DYM: variants seen among roughly 807,000 people sequenced by gnomAD.
The protein encoded by DYM is dymeclin.
In DYM, 78 loss-of-function variants were observed where a neutral mutation model predicts 93.1. The ratio of observed to expected loss-of-function variants is 0.84; its 90% CI spans 0.70 to 1.01. DYM has a LOEUF of 1.01. Ranked by LOEUF, DYM falls within the 50% of genes least tolerant of loss-of-function variation. The pLI, the probability that DYM is intolerant of heterozygous loss-of-function variation, is 0.00. For missense variants in DYM, 789 were observed against 845.0 expected, an observed-to-expected ratio of 0.93 and a Z score of 0.82; for synonymous variants, 321 against 319.7, an observed-to-expected ratio of 1.00 and a Z score of -0.04.
At chr18:49,440,388 T>C (rs1310047387) in intron 1 of DYM, among the ~76,000 whole-genome samples, 2 of 122,712 alleles carry the variant, frequency 1.6e-5, no homozygotes, top group Non-Finnish European at 3.2e-5. Context: ...TTATATATGA[T>C]ATATAATATA....
intron 6 of DYM, among the ~76,000 whole-genome samples, chr18:49,338,593 A>G (rs188467937): frequency 5.9e-5 from 9 of 152,352 alleles, no homozygotes; most frequent in African/African-American, 1.7e-4. Context: ...TTGATAATTC[A>G]AAGACAGACC....
In DYM at chr18:49,360,277, G is replaced by A. The variant is rs532806553; in HGVS notation, c.494+2884C>T. On this transcript the variant is annotated intron_variant, in intron 6 of 17. Transcript: ENST00000675505. ...ATAAAGGCAAAAAAAAAAAAAAAGC[G>A]TGTACTCATTTAAGATATATACTAA... Among the ~76,000 whole-genome samples, 31 of 145,138 alleles carry A rather than the reference G, an allele frequency of 2.1e-4. No individual in the cohort carries two copies. The South Asian group carries it at 5.9e-3, about 27-fold the overall frequency.
chr18:49,209,140 G>A (rs990452139), intron 14 of DYM, among the ~76,000 whole-genome samples: 2 of 152,118 alleles, frequency 1.3e-5, no homozygotes, highest in African/African-American at 2.4e-5. Context: ...CACCTCTATC[G>A]GAACATAGGT....
intron 1 of DYM, among the ~76,000 whole-genome samples, chr18:49,457,060 T>C (rs2083040745): frequency 6.6e-6 from 1 of 152,192 alleles, no homozygotes; most frequent in South Asian, 2.1e-4. Context: ...AAAGCAGCAA[T>C]GGGCATCTTA....
chr18:49,302,127 G>A (rs997515763), intron 8 of DYM, among the ~76,000 whole-genome samples: 1 of 152,122 alleles, frequency 6.6e-6, no homozygotes, highest in Non-Finnish European at 1.5e-5. Flanking sequence ...TACAAAAAAA[G>A]CTCTGTTAGC....
chr18:49,327,986 C>G (rs1287684190), intron 8 of DYM, among the ~76,000 whole-genome samples: 1 of 152,120 alleles, frequency 6.6e-6, no homozygotes, highest in Non-Finnish European at 1.5e-5. Flanking sequence ...AGCAAAGGCT[C>G]AGGGGTCTGA....
rs2070911034 is a variant in DYM, at chr18:49,041,343, T to G, written c.*2712A>C. On this transcript the variant is annotated 3_prime_UTR_variant, in exon 18 of 18. Coordinates refer to ENST00000675505, the MANE Select transcript of DYM (RefSeq NM_001353214.3). Reference sequence around the variant, plus strand: ...AAAATGACACAATGCAGTAACAGCTTCAGATCTGGGGTAAAATCAGATGCC... The same window carrying G: ...AAAATGACACAATGCAGTAACAGCTGCAGATCTGGGGTAAAATCAGATGCC... 1 of 152,240 alleles carries G rather than the reference T, an allele frequency of 6.6e-6. No individual in the cohort carries two copies. The highest frequency in any genetic ancestry group is 6.5e-5 in the Admixed American group (1 of 15,286). 9.4% of individuals were successfully genotyped at this position (152,240 alleles called of 1,614,324 possible).
At chr18:49,203,813 A>C (rs991142183) in intron 14 of DYM, among the ~76,000 whole-genome samples, 4 of 137,066 alleles carry the variant, frequency 2.9e-5, no homozygotes, top group African/African-American at 1.1e-4. Context: ...GACCCTGCCA[A>C]ATCCCCCTCT....
intron 17 of DYM, among the ~76,000 whole-genome samples, chr18:49,080,709 GTGGCTGC>G (rs2077876213): frequency 6.8e-6 from 1 of 148,052 alleles, no homozygotes; most frequent in African/African-American, 2.5e-5. Context: ...CCCAGACGGG[GTGGCTGC>G]CGGGCAGAGG....
At chr18:49,283,829 A>T (rs1298327424) in intron 9 of DYM, among the ~76,000 whole-genome samples, 1 of 152,142 alleles carries the variant, frequency 6.6e-6, no homozygotes, top group South Asian at 2.1e-4. Flanking sequence ...TCTCCTTCCT[A>T]AGCTTTACAT....
At chr18:49,199,833 A>C (rs1457225892) in intron 14 of DYM, among the ~76,000 whole-genome samples, 1 of 152,236 alleles carries the variant, frequency 6.6e-6, no homozygotes, top group African/African-American at 2.4e-5. Flanking sequence ...AAAGTAATAA[A>C]ATGGCACCAG....
intron 2 of DYM, among the ~76,000 whole-genome samples, chr18:49,420,397 G>C (rs376532540): frequency 6.6e-6 from 1 of 152,096 alleles, no homozygotes; most frequent in Non-Finnish European, 1.5e-5. Context: ...TTGAACTGCT[G>C]AATTCAGGTG....
chr18:49,247,184 G>C (rs931944684), intron 13 of DYM, among the ~76,000 whole-genome samples: 1 of 152,134 alleles, frequency 6.6e-6, no homozygotes, highest in Non-Finnish European at 1.5e-5. Context: ...CAAGCTCTGG[G>C]TTCCGCTCCT....
At chr18:49,383,485 T>C (rs974664573) in intron 3 of DYM, among the ~76,000 whole-genome samples, 2 of 152,202 alleles carry the variant, frequency 1.3e-5, no homozygotes, top group African/African-American at 4.8e-5. Context: ...TAAAACCTTC[T>C]TGGGCTCTAT....
intron 3 of DYM, among the ~76,000 whole-genome samples, chr18:49,380,508 G>GCACTAGTAT (rs1482015421): frequency 6.6e-5 from 10 of 152,146 alleles, no homozygotes; most frequent in Non-Finnish European, 1.5e-4. Context: ...TCCAGGAAAA[G>GCACTAGTAT]CACTAGTATC....
chr18:49,400,830 G>A (rs2070728737), intron 2 of DYM, among the ~76,000 whole-genome samples: 1 of 152,040 alleles, frequency 6.6e-6, no homozygotes, highest in Admixed American at 6.5e-5. Flanking sequence ...GAGGTAGTAA[G>A]GAACTGGGGT....
intron 13 of DYM, among the ~76,000 whole-genome samples, chr18:49,226,691 G>A (rs1269163891): frequency 1.3e-5 from 2 of 152,106 alleles, no homozygotes; most frequent in South Asian, 4.1e-4. Context: ...TTATTGATTA[G>A]ATTTGTTTAC....
intron 17 of DYM, among the ~76,000 whole-genome samples, chr18:49,085,633 A>C (rs1431283023): frequency 3.6e-5 from 2 of 55,862 alleles, no homozygotes; most frequent in Non-Finnish European, 9.8e-5. Context: ...TTTTTGATGG[A>C]GTCTCACTCT....
intron 5 of DYM, among the ~76,000 whole-genome samples, chr18:49,371,795 A>G (rs951104631): frequency 6.6e-6 from 1 of 152,210 alleles, no homozygotes; most frequent in Non-Finnish European, 1.5e-5. Context: ...ATCCTCATAT[A>G]ATAATACAAA....
Sources: allele counts gnomAD v4.1 joint callset (sites outside exome capture counted in the v4.1 genomes callset), GRCh38; gene constraint gnomAD v4.1.1; transcripts MANE v1.5; gene names NCBI Gene and HGNC (gene_info 2026-07-23, HGNC 2026-07-21).